Variants in CFAP299 observed in about 807,000 individuals in gnomAD.
The protein encoded by CFAP299 is cilia and flagella associated protein 299.
CFAP299 carries 21 observed loss-of-function variants against 27.0 expected under a neutral mutation model. The observed-to-expected ratio is 0.78, with a 90% CI of 0.55 to 1.12. The LOEUF (loss-of-function observed/expected upper bound fraction) is 1.12, where lower values mean the gene tolerates loss of function less well. Ranked by LOEUF, CFAP299 falls within the 50% of genes most tolerant of loss-of-function variation. CFAP299 has a pLI of 0.00. For missense variants in CFAP299, 310 were observed against 276.6 expected, an observed-to-expected ratio of 1.12 and a Z score of -0.86; for synonymous variants, 104 against 98.1, an observed-to-expected ratio of 1.06 and a Z score of -0.36.
chr4:80,330,292 T>A, the CFAP299 span, among the ~76,000 whole-genome samples: 1 of 152,110 alleles, frequency 6.6e-6, no homozygotes, highest in East Asian at 1.9e-4. Context: ...GTCAGAATAA[T>A]CTTTAAAACT....
At chr4:80,523,478 G>A (rs540012046) in intron 2 of CFAP299, among the ~76,000 whole-genome samples, 1 of 152,208 alleles carries the variant, frequency 6.6e-6, no homozygotes, top group South Asian at 2.1e-4. Flanking sequence ...TTGGGCTAAG[G>A]GGTGCCTAGG....
At chr4:80,479,011 A>G (rs898049174) in intron 2 of CFAP299, among the ~76,000 whole-genome samples, 20 of 152,126 alleles carry the variant, frequency 1.3e-4, no homozygotes, top group African/African-American at 4.3e-4. Flanking sequence ...GTTATTTTTT[A>G]AAAGATTAAT....
At chr4:80,532,011 C>A (rs112093265) in intron 2 of CFAP299, among the ~76,000 whole-genome samples, 11,558 of 152,130 alleles carry the variant, frequency 0.076, 630 homozygotes, top group East Asian at 0.25. Context: ...CTGCCTCAGC[C>A]TCCAAAAGTG....
intron 2 of CFAP299, among the ~76,000 whole-genome samples, chr4:80,420,798 C>G (rs1284280330): frequency 6.6e-6 from 1 of 152,160 alleles, no homozygotes; most frequent in East Asian, 1.9e-4. Flanking sequence ...AAACAGAGCT[C>G]TGGTTTCGCT....
At chr4:80,850,556 A>G (rs971593731) in intron 3 of CFAP299, among the ~76,000 whole-genome samples, 1 of 152,048 alleles carries the variant, frequency 6.6e-6, no homozygotes, top group Admixed American at 6.6e-5. Context: ...AAATATAAAT[A>G]TGAAATTAAA....
chr4:80,960,833 C>A (rs1738309082), intron 5 of CFAP299, among the ~76,000 whole-genome samples: 1 of 151,774 alleles, frequency 6.6e-6, no homozygotes, highest in East Asian at 1.9e-4. Context: ...CTTCCAATAG[C>A]CACACACATA....
At chr4:80,357,025 A>G (rs1723312183) in intron 1 of CFAP299, among the ~76,000 whole-genome samples, 1 of 152,090 alleles carries the variant, frequency 6.6e-6, no homozygotes, top group African/African-American at 2.4e-5. Flanking sequence ...TACCTGGTTT[A>G]TTGAGAATTT....
chr4:80,857,086 G>A (rs1187625194), intron 3 of CFAP299, among the ~76,000 whole-genome samples: 1 of 152,200 alleles, frequency 6.6e-6, no homozygotes, highest in Non-Finnish European at 1.5e-5. Flanking sequence ...TCACTGAACA[G>A]TGTTTTGTAG....
At chr4:80,699,358 T>C (rs987251480) in intron 3 of CFAP299, among the ~76,000 whole-genome samples, 3 of 152,156 alleles carry the variant, frequency 2.0e-5, no homozygotes, top group South Asian at 2.1e-4. Context: ...ACAAATACCA[T>C]GTTATCTATT....
intron 2 of CFAP299, among the ~76,000 whole-genome samples, chr4:80,495,901 T>A (rs1188960647): frequency 1.3e-5 from 2 of 152,120 alleles, no homozygotes; most frequent in Non-Finnish European, 2.9e-5. Context: ...CCAGGGCTGG[T>A]GCTGGAACAG....
At chr4:80,942,417 GA>G (rs1239508346) in intron 4 of CFAP299, among the ~76,000 whole-genome samples, 1 of 152,036 alleles carries the variant, frequency 6.6e-6, no homozygotes, top group African/African-American at 2.4e-5. Context: ...AAGATTAAGT[GA>G]GATAATAGAT....
chr4:80,328,054 CA>C, the CFAP299 span, among the ~76,000 whole-genome samples: 4 of 151,744 alleles, frequency 2.6e-5, no homozygotes, highest in African/African-American at 9.7e-5. Flanking sequence ...GATTTGAAAA[CA>C]AGAAAGTAAT....
At chr4:80,377,496 A>G (rs142906640) in intron 2 of CFAP299, among the ~76,000 whole-genome samples, 157 of 152,112 alleles carry the variant, frequency 1.0e-3, no homozygotes, top group Non-Finnish European at 2.0e-3. Flanking sequence ...CTTTATGCCA[A>G]CATCACATTG....
At chr4:80,608,467 G>A (rs1737792719) in intron 3 of CFAP299, 1 of 719,650 alleles carries the variant, frequency 1.4e-6, no homozygotes, top group South Asian at 1.9e-5. Flanking sequence ...CACTCCAAGG[G>A]CTATTGCTAC....
intron 2 of CFAP299, among the ~76,000 whole-genome samples, chr4:80,399,776 A>G (rs952671497): frequency 6.6e-6 from 1 of 152,128 alleles, no homozygotes; most frequent in Non-Finnish European, 1.5e-5. Context: ...CCAACATGAC[A>G]TATGTATACA....
chr4:80,894,471 T>C (rs1012275032), intron 4 of CFAP299, among the ~76,000 whole-genome samples: 1 of 152,030 alleles, frequency 6.6e-6, no homozygotes, highest in African/African-American at 2.4e-5. Flanking sequence ...TACTGCCAAT[T>C]GCTGAAGTCC....
chr4:80,888,698 C>G (rs1418307107), intron 4 of CFAP299, among the ~76,000 whole-genome samples: 1 of 151,902 alleles, frequency 6.6e-6, no homozygotes, highest in Non-Finnish European at 1.5e-5. Flanking sequence ...GGATCATTCT[C>G]AAGAATAGAC....
At chr4:80,425,638 GAAA>G (rs1479828700) in intron 2 of CFAP299, among the ~76,000 whole-genome samples, 2 of 152,214 alleles carry the variant, frequency 1.3e-5, no homozygotes, top group Admixed American at 6.5e-5. Context: ...CCATGAAAGG[GAAA>G]CTTGCCTTTA....
intron 2 of CFAP299, among the ~76,000 whole-genome samples, chr4:80,451,880 T>C (rs1728921613): frequency 6.6e-6 from 1 of 152,166 alleles, no homozygotes; most frequent in Admixed American, 6.5e-5. Context: ...CTGAGTCTGG[T>C]TTGTAGAAAA....
Sources: allele counts gnomAD v4.1 joint callset (sites outside exome capture counted in the v4.1 genomes callset), GRCh38; gene constraint gnomAD v4.1.1; transcripts MANE v1.5; gene names NCBI Gene and HGNC (gene_info 2026-07-23, HGNC 2026-07-21).